The following CCDC192 variants were observed in gnomAD, a reference collection of about 807,000 sequenced individuals.
CCDC192 encodes coiled-coil domain-containing protein 192.
intron 6 of CCDC192, among the ~76,000 whole-genome samples, chr5:127,921,056 G>A (rs1338029089): frequency 3.9e-5 from 5 of 129,038 alleles, no homozygotes; most frequent in African/African-American, 1.6e-4. Context: ...GAGGAAGGAG[G>A]AAGGAGGAAG....
At chr5:127,865,036 A>G (rs573770364) in intron 5 of CCDC192, among the ~76,000 whole-genome samples, 1 of 152,270 alleles carries the variant, frequency 6.6e-6, no homozygotes, top group African/African-American at 2.4e-5. Flanking sequence ...AGTCCCAGCT[A>G]CTTGGGAGGC....
At chr5:127,880,309 G>A (rs1159363494) in intron 6 of CCDC192, among the ~76,000 whole-genome samples, 2 of 151,916 alleles carry the variant, frequency 1.3e-5, no homozygotes, top group African/African-American at 2.4e-5. Flanking sequence ...GTAGGGACAT[G>A]GATGAAATTG....
chr5:127,848,764 C>G (rs1408178747), intron 5 of CCDC192, among the ~76,000 whole-genome samples: 1 of 152,176 alleles, frequency 6.6e-6, no homozygotes, highest in African/African-American at 2.4e-5. Context: ...TAAGAATTAG[C>G]TATCATTATT....
chr5:127,843,441 CTTT>C, intron 5 of CCDC192, among the ~76,000 whole-genome samples: 1 of 129,334 alleles, frequency 7.7e-6, no homozygotes, highest in East Asian at 2.4e-4. Context: ...AAGAATAACT[CTTT>C]TTTTTTTTTT....
intron 2 of CCDC192, among the ~76,000 whole-genome samples, chr5:127,716,381 T>C (rs1751623738): frequency 6.6e-6 from 1 of 152,176 alleles, no homozygotes; most frequent in African/African-American, 2.4e-5. Context: ...TGGTTTTGTA[T>C]CAGGGTAATG....
intron 2 of CCDC192, among the ~76,000 whole-genome samples, chr5:127,749,582 GT>G (rs1469936098): frequency 6.6e-6 from 1 of 151,748 alleles, no homozygotes; most frequent in Admixed American, 6.6e-5. Context: ...CTCTTTTTTG[GT>G]TGTGTCTCTG....
intron 5 of CCDC192, among the ~76,000 whole-genome samples, chr5:127,814,615 A>C (rs1758272195): frequency 6.6e-6 from 1 of 152,242 alleles, no homozygotes; most frequent in African/African-American, 2.4e-5. Flanking sequence ...AGTTGGGAAA[A>C]GACTCAGTAA....
At chr5:127,858,671 A>C (rs1751214048) in intron 5 of CCDC192, among the ~76,000 whole-genome samples, 1 of 152,216 alleles carries the variant, frequency 6.6e-6, no homozygotes, top group South Asian at 2.1e-4. Context: ...TAATGGCTTC[A>C]TACATCGCTG....
chr5:127,786,420 T>A lies in CCDC192; in HGVS notation c.223-10683T>A. On this transcript the variant is annotated intron_variant, in intron 3 of 6. Coordinates refer to ENST00000514853, the MANE Select transcript of CCDC192 (RefSeq NM_001317938.2). ...TGCAAATGCATCATCTTCCTTCAGCTCCAATTCCATGTAACACTGTACAAC... is the reference window on the plus strand; with the variant it reads ...TGCAAATGCATCATCTTCCTTCAGCACCAATTCCATGTAACACTGTACAAC... 11 of 623,530 alleles carry A rather than the reference T, an allele frequency of 1.8e-5. No homozygotes were observed. In the South Asian group the frequency reaches 2.0e-4, roughly 11 times the overall value. 38.6% of individuals were successfully genotyped at this position (623,530 alleles called of 1,614,324 possible). A position where few individuals can be genotyped will look rare whatever the true frequency, so the allele number is the denominator to read the frequency against.
chr5:127,785,034 C>A, intron 3 of CCDC192: 1 of 484,050 alleles, frequency 2.1e-6, no homozygotes, highest in South Asian at 1.6e-5. Context: ...GGACTTATGC[C>A]AAAATGTCCA....
chr5:127,938,816 T>C (rs891432412), intron 6 of CCDC192, among the ~76,000 whole-genome samples: 1 of 152,196 alleles, frequency 6.6e-6, no homozygotes, highest in Non-Finnish European at 1.5e-5. Flanking sequence ...GACTACTGTA[T>C]TGGACAGCAC....
chr5:127,818,615 G>A (rs1298056925), intron 5 of CCDC192, among the ~76,000 whole-genome samples: 1 of 152,152 alleles, frequency 6.6e-6, no homozygotes, highest in African/African-American at 2.4e-5. Context: ...AGAATTCAGA[G>A]GAACCATCCC....
chr5:127,919,804 TCTCTGTGTCCCTCTGTCC>T (rs1443365415), intron 6 of CCDC192, among the ~76,000 whole-genome samples: 36 of 152,274 alleles, frequency 2.4e-4, no homozygotes, highest in African/African-American at 7.7e-4. Flanking sequence ...TCTCCATCTC[TCTCTGTGTCCCTCTGTCC>T]CTCTGTGTCC....
chr5:127,734,858 T>A (rs533292873), intron 2 of CCDC192, among the ~76,000 whole-genome samples: 2 of 152,006 alleles, frequency 1.3e-5, no homozygotes, highest in African/African-American at 4.8e-5. Flanking sequence ...TTGCAAAAAT[T>A]TTCTCCCATT....
chr5:127,810,844 T>TG (rs1365295183), intron 5 of CCDC192, among the ~76,000 whole-genome samples: 1 of 152,110 alleles, frequency 6.6e-6, no homozygotes, highest in African/African-American at 2.4e-5. Flanking sequence ...GGAGGAAGGG[T>TG]GGTCCTCTCT....
intron 6 of CCDC192, among the ~76,000 whole-genome samples, chr5:127,927,224 T>TGA (rs993101157): frequency 3.9e-5 from 6 of 151,952 alleles, no homozygotes; most frequent in East Asian, 3.9e-4. Context: ...AATAAGATAT[T>TGA]GAGAGAGAGA....
intron 2 of CCDC192, among the ~76,000 whole-genome samples, chr5:127,726,450 C>G (rs1358601623): frequency 6.6e-6 from 1 of 152,166 alleles, no homozygotes; most frequent in African/African-American, 2.4e-5. Context: ...CTTTGAAAAA[C>G]TTTCTCTGGT....
At chr5:127,813,448 T>G (rs1270580972) in intron 5 of CCDC192, among the ~76,000 whole-genome samples, 1 of 152,198 alleles carries the variant, frequency 6.6e-6, no homozygotes, top group Non-Finnish European at 1.5e-5. Context: ...TATTTAAAAT[T>G]TAAGTAACTG....
At chr5:127,876,509 T>C (rs934996661) in intron 6 of CCDC192, among the ~76,000 whole-genome samples, 1 of 152,180 alleles carries the variant, frequency 6.6e-6, no homozygotes, top group African/African-American at 2.4e-5. Context: ...AGTGTGCCTT[T>C]CCCAGCTTTG....
Sources: allele counts gnomAD v4.1 joint callset (sites outside exome capture counted in the v4.1 genomes callset), GRCh38; gene constraint gnomAD v4.1.1; transcripts MANE v1.5; gene names NCBI Gene and HGNC (gene_info 2026-07-23, HGNC 2026-07-21).